The following KIF13B variants were observed in gnomAD, a reference collection of about 807,000 sequenced individuals.
KIF13B encodes kinesin-like protein KIF13B.
KIF13B carries 127 observed loss-of-function variants against 222.0 expected under a neutral mutation model. That is an observed-to-expected ratio of 0.57 (90% CI 0.50 to 0.66). The LOEUF (loss-of-function observed/expected upper bound fraction) is 0.66, where lower values mean the gene tolerates loss of function less well. Among genes scored for constraint, KIF13B ranks in the 30% least tolerant of loss-of-function variants. The probability of loss-of-function intolerance (pLI) is 0.00; values close to 1 mark genes in which losing one functional copy is unlikely to be tolerated. For missense variants in KIF13B, 2,173 were observed against 2,379.0 expected (o/e 0.91, Z 1.80); for synonymous variants, 976 against 919.0 (o/e 1.06, Z -1.12).
intron 37 of KIF13B, among the ~76,000 whole-genome samples, chr8:29,090,983 G>T (rs1198186746): frequency 6.6e-6 from 1 of 152,144 alleles, no homozygotes; most frequent in Non-Finnish European, 1.5e-5. Flanking sequence ...CTCCCTGAGG[G>T]CTGGGGTTAT....
At chr8:29,226,059 T>C (rs1815006167) in intron 2 of KIF13B, among the ~76,000 whole-genome samples, 1 of 152,128 alleles carries the variant, frequency 6.6e-6, no homozygotes, top group South Asian at 2.1e-4. Context: ...GGAGGTTTTA[T>C]GAAAACATAC....
At chr8:29,263,110 G>C, upstream of KIF13B, 1 of 1,391,156 alleles carries the variant, frequency 7.2e-7, no homozygotes, top group Non-Finnish European at 9.8e-7. Flanking sequence ...GACCCGGCGG[G>C]AGGGGGCCGG....
chr8:29,249,338 G>A (rs1272974816), intron 1 of KIF13B, among the ~76,000 whole-genome samples: 6 of 150,618 alleles, frequency 4.0e-5, no homozygotes, highest in Non-Finnish European at 8.8e-5. Context: ...GCTGAGGCAC[G>A]AGAATCACTT....
Position 29,099,229 on chromosome 8 carries a change from T to A in KIF13B, c.4228A>T (p.Ser1410Cys). The change falls in exon 36 of 40, where the codon AGT becomes TGT. Residue 1410 changes from serine to cysteine, a missense_variant. Physicochemically the swap from Ser to Cys is moderately radical, Grantham distance 112. This residue lies in a region of KIF13B where 693 missense variants were observed against 656.2 expected (regional missense o/e 1.06). Transcript: ENST00000524189. ...GTGGTTTGGGATACATCCTGCTGACTTTCCCACCGGCCCTAGTAAAGACAA... is the reference window on the plus strand; with the variant it reads ...GTGGTTTGGGATACATCCTGCTGACATTCCCACCGGCCCTAGTAAAGACAA... Reference protein sequence around the residue: ...SLGSNKGRWESQQDVSQTTVS... With the variant: ...SLGSNKGRWECQQDVSQTTVS... The A allele has an allele frequency of 6.2e-7, 1 of 1,611,252 alleles. No homozygotes were observed. The highest frequency in any genetic ancestry group is 8.5e-7 in the Non-Finnish European group (1 of 1,178,464).
chr8:29,109,900 T>G lies in KIF13B; in HGVS notation c.4083+18A>C. On this transcript the variant is annotated intron_variant, in intron 33 of 39. Coordinates refer to ENST00000524189, the MANE Select transcript of KIF13B (RefSeq NM_015254.4). ...ATCAGGGCCTCTGCTGCCCGCCCTA[T>G]CCATGCGGTTGGCTAACCTGGCGCA... 1 of 1,612,174 alleles carries G rather than the reference T, an allele frequency of 6.2e-7. No individual in the cohort carries two copies. Among genetic ancestry groups the G allele is most frequent in the Middle Eastern group, 1.8e-4 (1 of 5,636 alleles).
intron 2 of KIF13B, among the ~76,000 whole-genome samples, chr8:29,207,390 G>A (rs776853306): frequency 3.9e-5 from 6 of 152,160 alleles, no homozygotes; most frequent in Non-Finnish European, 8.8e-5. Context: ...TTCTAAGGAA[G>A]TATCAAAGCT....
intron 21 of KIF13B, among the ~76,000 whole-genome samples, chr8:29,136,544 T>C (rs542808441): frequency 3.3e-5 from 5 of 151,702 alleles, no homozygotes; most frequent in African/African-American, 4.8e-5. Context: ...CATCACGCCA[T>C]TGCACTCTAG....
chr8:29,262,558 C>G (rs1425345295), intron 1 of KIF13B, among the ~76,000 whole-genome samples: 6 of 150,904 alleles, frequency 4.0e-5, no homozygotes, highest in African/African-American at 1.5e-4. Context: ...GGTCCCGAGG[C>G]GGGCTGCAGG....
chr8:29,102,572 G>T (rs1429646055), intron 35 of KIF13B, among the ~76,000 whole-genome samples: 1 of 152,246 alleles, frequency 6.6e-6, no homozygotes, highest in Non-Finnish European at 1.5e-5. Context: ...GACCCATGCA[G>T]TTTTTCCCAC....
At chr8:29,117,541 G>A (rs577903203) in intron 30 of KIF13B, among the ~76,000 whole-genome samples, 1 of 152,080 alleles carries the variant, frequency 6.6e-6, no homozygotes, top group Non-Finnish European at 1.5e-5. Context: ...ACTCTAATCT[G>A]CAATAGCTCC....
intron 7 of KIF13B, among the ~76,000 whole-genome samples, chr8:29,180,647 T>C (rs112859426): frequency 0.013 from 1,933 of 152,336 alleles, 26 homozygotes; most frequent in African/African-American, 0.03. Flanking sequence ...CTTGTGCCAT[T>C]TGTCGCTTCA....
At chr8:29,217,427 C>T (rs928973067) in intron 2 of KIF13B, among the ~76,000 whole-genome samples, 2 of 152,260 alleles carry the variant, frequency 1.3e-5, no homozygotes, top group African/African-American at 4.8e-5. Context: ...TCTAACTTCT[C>T]CAGGCTTCAG....
upstream of KIF13B, chr8:29,263,091 T>A: frequency 1.3e-6 from 2 of 1,504,206 alleles, no homozygotes; most frequent in Non-Finnish European, 1.8e-6. Flanking sequence ...CCGGCGACTC[T>A]TCGGGGTTGA....
intron 18 of KIF13B, among the ~76,000 whole-genome samples, chr8:29,142,741 A>C (rs1179191577): frequency 1.3e-5 from 2 of 152,140 alleles, no homozygotes; most frequent in Non-Finnish European, 2.9e-5. Context: ...TGGGAGGCTG[A>C]AGCACAAGAA....
intron 2 of KIF13B, among the ~76,000 whole-genome samples, chr8:29,224,323 T>C (rs1321628249): frequency 6.6e-6 from 1 of 152,198 alleles, no homozygotes; most frequent in Non-Finnish European, 1.5e-5. Context: ...TAAACATCAA[T>C]ACTGGGCTTT....
At chr8:29,123,910 C>T (rs1433258800) in intron 27 of KIF13B, 114 bp downstream of exon 27, 12 of 663,100 alleles carry the variant, frequency 1.8e-5, no homozygotes, top group African/African-American at 5.5e-5. Flanking sequence ...CTGCTCCTGC[C>T]ATCCCCATTA....
intron 2 of KIF13B, among the ~76,000 whole-genome samples, chr8:29,221,279 T>G (rs1814736930): frequency 6.6e-6 from 1 of 151,558 alleles, no homozygotes; most frequent in Non-Finnish European, 1.5e-5. Context: ...ATTTTTGTGT[T>G]TTTAGTGGAG....
rs1252101890 is a variant in KIF13B at position 29,141,860 on chromosome 8, G to A, written c.2334+297C>T. Among the ~76,000 whole-genome samples the A allele has an allele frequency of 2.0e-5, 3 of 152,276 alleles. No homozygotes were observed. The East Asian group carries it at 5.8e-4, about 29-fold the overall frequency. ...GAGGCCTGGCCTCTGTCCTAAAGAG[G>A]TTCCCAGAGAGCACAGGAGACAGAC... On this transcript the variant is annotated intron_variant, in intron 19 of 39. Coordinates refer to ENST00000524189, the MANE Select transcript of KIF13B (RefSeq NM_015254.4).
chr8:29,228,472 A>AAAAAAAAAAATAT lies in KIF13B; in HGVS notation c.149+16873_149+16874insATATTTTTTTTTT. ...ACAGAGCCAGACTCCATCTTAAAAA[A>AAAAAAAAAAATAT]ATATATATATATATATATGAGATAC... On this transcript the variant is annotated intron_variant, in intron 2 of 39. Transcript: ENST00000524189. 2.6e-3 allele frequency among the ~76,000 whole-genome samples: 303 copies of AAAAAAAAAAATAT among 117,074 alleles called. 10 individuals are homozygous for AAAAAAAAAAATAT. The highest frequency in any genetic ancestry group is 9.4e-3 in the African/African-American group (288 of 30,718). The allele number at this position is 117,074 out of a possible 152,430, so 76.8% of individuals were successfully genotyped here.
Sources: gnomAD v4.1 joint callset for allele counts (sites outside exome capture counted in the v4.1 genomes callset) on GRCh38, gnomAD v4.1.1 for gene constraint, gnomAD v4.1.1 regional missense constraint, MANE v1.5 for transcripts, NCBI Gene and HGNC (gene_info 2026-07-23, HGNC 2026-07-21) for gene names.